Variants in FLT1 observed in about 807,000 individuals in gnomAD.
The protein encoded by FLT1 is vascular endothelial growth factor receptor 1.
FLT1 carries 49 observed loss-of-function variants against 156.3 expected under a neutral mutation model. The ratio of observed to expected loss-of-function variants is 0.31; its 90% CI spans 0.25 to 0.40. The LOEUF is 0.40. Ranked by LOEUF, FLT1 falls within the 10% of genes least tolerant of loss-of-function variation. The pLI is 1.00. For missense variants in FLT1, 1,322 were observed against 1,637.2 expected (o/e 0.81, Z 3.32); for synonymous variants, 594 against 583.8 (o/e 1.02, Z -0.25).
intron 14 of FLT1, among the ~76,000 whole-genome samples, chr13:28,363,348 C>T (rs1039653431): frequency 7.2e-5 from 11 of 152,272 alleles, no homozygotes; most frequent in African/African-American, 2.6e-4. Flanking sequence ...AGACCCATTT[C>T]TGTCTTTAAT....
At chr13:28,464,917 G>T (rs530351598) in intron 3 of FLT1, among the ~76,000 whole-genome samples, 2 of 152,314 alleles carry the variant, frequency 1.3e-5, no homozygotes, top group African/African-American at 4.8e-5. Context: ...ATAGGAGAAA[G>T]TTTTATGAAA....
chr13:28,483,243 C>T (rs995236399), intron 1 of FLT1, among the ~76,000 whole-genome samples: 2 of 152,184 alleles, frequency 1.3e-5, no homozygotes, highest in African/African-American at 2.4e-5. Context: ...AGAGTTTACA[C>T]TGCCTTTTAA....
At chr13:28,384,806 C>A in intron 14 of FLT1, 79 bp downstream of exon 14, 1 of 1,344,524 alleles carries the variant, frequency 7.4e-7, no homozygotes, top group Non-Finnish European at 1.1e-6. Context: ...ATACTGGAAG[C>A]AGGTGACGGG....
At position 28,481,442 on chromosome 13, in the gene FLT1, TACACACACACACAC is replaced by T. The variant is rs397687323; in HGVS notation, c.64+13324_64+13337del. Among the ~76,000 whole-genome samples the T allele has an allele frequency of 2.3e-3, 333 of 142,646 alleles. 3 individuals carry two copies. In the East Asian group the frequency reaches 0.044, roughly 19 times the overall value. The allele number at this position is 142,646 out of a possible 152,430, so 93.6% of individuals were successfully genotyped here. A position where few individuals can be genotyped will look rare whatever the true frequency, so the allele number is the denominator to read the frequency against. On this transcript the variant is annotated intron_variant, in intron 1 of 29. Coordinates refer to ENST00000282397, the MANE Select transcript of FLT1 (RefSeq NM_002019.4). Reference sequence around the variant, plus strand: ...TATTTCTCCTAACCTCCTCCGCTTATACACACACACACACACACACACACACACACACACACACA... The same window carrying T: ...TATTTCTCCTAACCTCCTCCGCTTATACACACACACACACACACACACACA...
Position 28,389,921 on chromosome 13 carries a change from TG to T in FLT1, c.1843del (p.His615ThrfsTer10). The T allele has an allele frequency of 6.2e-7, 1 of 1,614,062 alleles. No homozygotes were observed. The highest frequency in any genetic ancestry group is 8.5e-7 in the Non-Finnish European group (1 of 1,180,024). Reference sequence around the variant, plus strand: ...GATGGTAAGATTAAGAGTGATGGAGTGCTCCTTAGTGATGGCCATTTTTTGC... The same window carrying T: ...GATGGTAAGATTAAGAGTGATGGAGTCTCCTTAGTGATGGCCATTTTTTGC... ...SKQKMAITKE[H>X]SITLNLTIMN... On this transcript the variant is annotated frameshift_variant, in exon 13 of 30. Transcript: ENST00000282397. LOFTEE classifies it high-confidence loss of function.
intron 15 of FLT1, among the ~76,000 whole-genome samples, chr13:28,347,393 T>TG (rs966811753): frequency 9.3e-5 from 14 of 151,164 alleles, no homozygotes; most frequent in African/African-American, 1.5e-4. Flanking sequence ...CTGGGTGTGG[T>TG]GGGGGGGCAC....
At chr13:28,384,448 C>CAAAAAAAAAAAAAA (rs79860949) in intron 14 of FLT1, among the ~76,000 whole-genome samples, 1 of 60,266 alleles carries the variant, frequency 1.7e-5, no homozygotes, top group African/African-American at 5.5e-5. Flanking sequence ...GACTCCATCT[C>CAAAAAAAAAAAAAA]AAAAAAAAAA....
At chr13:28,412,121 A>G (rs1876234900) in intron 10 of FLT1, among the ~76,000 whole-genome samples, 1 of 152,164 alleles carries the variant, frequency 6.6e-6, no homozygotes, top group Non-Finnish European at 1.5e-5. Flanking sequence ...CCCATCTGGA[A>G]CCCTGCCAGA....
At position 28,362,389 on chromosome 13, in the gene FLT1, T is replaced by C. The variant is rs141200876; in HGVS notation, c.2117-4704A>G. 2.6e-5 allele frequency among the ~76,000 whole-genome samples: 4 copies of C among 152,254 alleles called. No homozygotes were observed. The South Asian group carries it at 8.3e-4, about 32-fold the overall frequency. On this transcript the variant is annotated intron_variant, in intron 14 of 29. Coordinates refer to ENST00000282397, the MANE Select transcript of FLT1 (RefSeq NM_002019.4). ...AAGTGGCAATCACAGAAAATAAAAG[T>C]GTGGCTGTACAGTTGCTCCGGGTCA... is the stretch of plus-strand genomic sequence containing the variant.
intron 10 of FLT1, among the ~76,000 whole-genome samples, chr13:28,412,350 C>CTTTCTCTTTCTTTCTTTCTTTCTT (rs71086853): frequency 3.2e-5 from 3 of 93,810 alleles, no homozygotes; most frequent in Non-Finnish European, 6.8e-5. Context: ...TTCTTTCTTT[C>CTTTCTCTTTCTTTCTTTCTTTCTT]TCTTTCTTTC....
At chr13:28,461,382 T>C (rs1163076528) in intron 3 of FLT1, among the ~76,000 whole-genome samples, 2 of 152,218 alleles carry the variant, frequency 1.3e-5, no homozygotes, top group Non-Finnish European at 2.9e-5. Context: ...AGACCTAACC[T>C]AGCTGGATCC....
At chr13:28,451,624 G>A (rs1878943740) in intron 3 of FLT1, among the ~76,000 whole-genome samples, 1 of 152,074 alleles carries the variant, frequency 6.6e-6, no homozygotes, top group South Asian at 2.1e-4. Context: ...GGGCGGCGGG[G>A]GAGGGGAGCG....
intron 3 of FLT1, among the ~76,000 whole-genome samples, chr13:28,441,176 T>C (rs1028941715): frequency 6.6e-6 from 1 of 152,124 alleles, no homozygotes; most frequent in Non-Finnish European, 1.5e-5. Context: ...AATGCTCAAC[T>C]GGTAAGGGAA....
intron 3 of FLT1, among the ~76,000 whole-genome samples, chr13:28,463,927 A>G (rs569679897): frequency 1.6e-4 from 24 of 152,348 alleles, no homozygotes; most frequent in African/African-American, 5.8e-4. Flanking sequence ...ATATCACCCT[A>G]ACAGGAAACA....
intron 13 of FLT1, chr13:28,389,316 C>A: frequency 8.2e-7 from 1 of 1,215,144 alleles, no homozygotes; most frequent in Non-Finnish European, 1.0e-6. Flanking sequence ...TTATTCGTGT[C>A]CATCTTTGGC....
chr13:28,411,970 C>T (rs1239701504), intron 10 of FLT1, among the ~76,000 whole-genome samples: 1 of 152,132 alleles, frequency 6.6e-6, no homozygotes, highest in Admixed American at 6.5e-5. Flanking sequence ...TGAGATTGTA[C>T]TGCACGTGCT....
chr13:28,400,316 T>G (rs768063857), intron 11 of FLT1, among the ~76,000 whole-genome samples: 2 of 152,244 alleles, frequency 1.3e-5, no homozygotes, highest in Non-Finnish European at 2.9e-5. Flanking sequence ...ACTGTTGTTA[T>G]GTGGTTTGAA....
chr13:28,453,184 T>A (rs2137591639), intron 3 of FLT1, among the ~76,000 whole-genome samples: 1 of 149,494 alleles, frequency 6.7e-6, no homozygotes, highest in South Asian at 2.2e-4. Context: ...AGTGCAATGC[T>A]GCCATCTCAG....
chr13:28,417,118 T>C (rs1400649087), intron 10 of FLT1, among the ~76,000 whole-genome samples: 2 of 152,172 alleles, frequency 1.3e-5, no homozygotes, highest in African/African-American at 2.4e-5. Context: ...TTCTGGCCAA[T>C]AGATAGCAGA....
Sources: allele counts gnomAD v4.1 joint callset (sites outside exome capture counted in the v4.1 genomes callset), GRCh38; gene constraint gnomAD v4.1.1; transcripts MANE v1.5; gene names NCBI Gene and HGNC (gene_info 2026-07-23, HGNC 2026-07-21).